The following CNNM2 variants were observed in gnomAD, a reference collection of about 807,000 sequenced individuals.
The protein encoded by CNNM2 is cyclin and CBS domain divalent metal cation transport mediator 2, also known as metal transporter CNNM2.
In CNNM2, 12 loss-of-function variants were observed where a neutral mutation model predicts 66.9. The observed-to-expected ratio is 0.18, with a 90% confidence interval of 0.11 to 0.29. The LOEUF (loss-of-function observed/expected upper bound fraction) is 0.29, where lower values mean the gene tolerates loss of function less well. CNNM2 is among the 10% of genes least tolerant of loss of function. The pLI is 1.00. For missense variants in CNNM2, 705 were observed against 1,167.7 expected (o/e 0.60, Z 5.77); for synonymous variants, 557 against 501.8 (o/e 1.11, Z -1.47).
intron 1 of CNNM2, among the ~76,000 whole-genome samples, chr10:102,952,138 G>T (rs932332255): frequency 2.0e-5 from 3 of 151,304 alleles, no homozygotes; most frequent in African/African-American, 7.3e-5. Context: ...CAGAGTCTTT[G>T]CTATAATGTC....
chr10:102,948,169 CT>C (rs1846689481), intron 1 of CNNM2, among the ~76,000 whole-genome samples: 1 of 152,164 alleles, frequency 6.6e-6, no homozygotes, highest in Non-Finnish European at 1.5e-5. Flanking sequence ...CATTGTATGT[CT>C]TTTGGTGAAC....
intron 1 of CNNM2, among the ~76,000 whole-genome samples, chr10:102,923,899 C>G (rs1845751039): frequency 6.6e-6 from 1 of 152,176 alleles, no homozygotes; most frequent in Admixed American, 6.5e-5. Flanking sequence ...TTATCTGTTT[C>G]TGTTGCAAGG....
chr10:102,982,673 T>C (rs1289180907), intron 1 of CNNM2, among the ~76,000 whole-genome samples: 1 of 152,196 alleles, frequency 6.6e-6, no homozygotes, highest in Non-Finnish European at 1.5e-5. Context: ...CATGAGTGTA[T>C]TAATTTGACT....
At chr10:103,008,653 C>T (rs1399504050) in intron 1 of CNNM2, among the ~76,000 whole-genome samples, 2 of 151,954 alleles carry the variant, frequency 1.3e-5, no homozygotes, top group Non-Finnish European at 2.9e-5. Flanking sequence ...GTGGCACATG[C>T]CTGTAGTCCT....
Position 102,920,160 on chromosome 10 carries a change from C to T in CNNM2, c.1621+59C>T, listed in dbSNP as rs1164322484. The stretch of plus-strand genomic sequence containing the variant: ...CTTTCTCTCTCCATCCTCCTCCCTA[C>T]TTGAGTCCTCTACCCTCAGACCAAC... On this transcript the variant is annotated intron_variant, in intron 1 of 7. Transcript: ENST00000369878. 2.5e-6 allele frequency: 4 copies of T among 1,613,296 alleles called. No individual in the cohort carries two copies. The African/African-American group carries it at 5.3e-5, about 22-fold the overall frequency.
chr10:103,035,943 T>A (rs770690271), intron 1 of CNNM2, among the ~76,000 whole-genome samples: 3 of 152,232 alleles, frequency 2.0e-5, no homozygotes, highest in Non-Finnish European at 4.4e-5. Context: ...TCGAATTCTC[T>A]GGCATAGCGC....
At chr10:102,956,669 A>G (rs890651659) in intron 1 of CNNM2, among the ~76,000 whole-genome samples, 2 of 152,190 alleles carry the variant, frequency 1.3e-5, no homozygotes, top group African/African-American at 4.8e-5. Context: ...TGTCCTTTGC[A>G]GGGACGTGGA....
At chr10:102,955,598 T>C (rs1343565788) in intron 1 of CNNM2, among the ~76,000 whole-genome samples, 1 of 152,082 alleles carries the variant, frequency 6.6e-6, no homozygotes, top group Non-Finnish European at 1.5e-5. Context: ...ACCTACAGAA[T>C]GGGAGAAAAT....
chr10:102,925,725 C>T (rs1227217419), intron 1 of CNNM2, among the ~76,000 whole-genome samples: 5 of 152,156 alleles, frequency 3.3e-5, no homozygotes, highest in African/African-American at 9.7e-5. Context: ...TCGTGATTTT[C>T]CTGTCAATAT....
At chr10:103,034,905 G>T (rs1391404203) in intron 1 of CNNM2, among the ~76,000 whole-genome samples, 2 of 148,888 alleles carry the variant, frequency 1.3e-5, no homozygotes, top group African/African-American at 5.0e-5. Flanking sequence ...AGCGGAGCTT[G>T]CAGTGAGCCG....
At chr10:103,020,246 C>T (rs1248947190) in intron 1 of CNNM2, among the ~76,000 whole-genome samples, 1 of 151,954 alleles carries the variant, frequency 6.6e-6, no homozygotes, top group Non-Finnish European at 1.5e-5. Context: ...ACCTCCGCCT[C>T]CTGGGTTCAA....
intron 1 of CNNM2, among the ~76,000 whole-genome samples, chr10:102,923,998 A>G (rs930558718): frequency 2.0e-5 from 3 of 152,230 alleles, no homozygotes; most frequent in Admixed American, 1.3e-4. Flanking sequence ...CTGGTTGCTA[A>G]TGAGCATCCT....
intron 1 of CNNM2, chr10:102,927,746 C>G (rs933933454): frequency 2.4e-5 from 6 of 246,072 alleles, no homozygotes; most frequent in African/African-American, 1.1e-4. Context: ...AAGTGAGACT[C>G]TGTCTCAAAA....
At chr10:102,930,009 AT>A (rs1227113452) in intron 1 of CNNM2, among the ~76,000 whole-genome samples, 3 of 152,172 alleles carry the variant, frequency 2.0e-5, no homozygotes, top group East Asian at 3.8e-4. Context: ...ATGATTTAGT[AT>A]TTTTTTCCCC....
chr10:103,022,435 G>A (rs957905288), intron 1 of CNNM2, among the ~76,000 whole-genome samples: 1 of 152,090 alleles, frequency 6.6e-6, no homozygotes, highest in Admixed American at 6.5e-5. Flanking sequence ...CCCTGCTATG[G>A]TCTGGATCCA....
In CNNM2 at chr10:102,918,920, C is replaced by T. The variant is rs764846747; in HGVS notation, c.440C>T (p.Pro147Leu). The T allele has an allele frequency of 4.3e-6, 7 of 1,611,800 alleles. No individual in the cohort carries two copies. Among genetic ancestry groups the T allele is most frequent in the Non-Finnish European group, 5.9e-6 (7 of 1,179,280 alleles). Residue 147 changes from proline to leucine, a missense_variant, in exon 1 of 8, where the codon CCC becomes CTC. Pro to Leu is a moderately conservative substitution (Grantham distance 98, BLOSUM62 -3). Coordinates refer to ENST00000369878, the MANE Select transcript of CNNM2 (RefSeq NM_017649.5). This position sits in a 1 kb window ranked among gnomAD's most constrained non-coding sequence, Gnocchi z 4.1. ...GCGCCGCCAGAGCCGGACAGCGGCCCCCAGCGATGCGGCATCCGCACCTCA... is the reference window on the plus strand; with the variant it reads ...GCGCCGCCAGAGCCGGACAGCGGCCTCCAGCGATGCGGCATCCGCACCTCA... The part of the protein sequence containing the change: ...GPAPPEPDSG[P>L]QRCGIRTSDI...
chr10:103,042,990 C>G (rs1293342660), intron 1 of CNNM2, among the ~76,000 whole-genome samples: 1 of 152,060 alleles, frequency 6.6e-6, no homozygotes, highest in East Asian at 1.9e-4. Flanking sequence ...GTTAGTAGAT[C>G]AGAAATTTAA....
At position 103,085,507 on chromosome 10, in the gene CNNM2, T is replaced by C. The variant is rs1313062335; in HGVS notation, c.*8327T>C. 1 of 152,176 alleles carries C rather than the reference T, an allele frequency of 6.6e-6. No individual in the cohort carries two copies. Among genetic ancestry groups the C allele is most frequent in the Admixed American group, 6.5e-5 (1 of 15,282 alleles). The allele number at this position is 152,176 out of a possible 1,614,324, so 9.4% of individuals were successfully genotyped here. A position where few individuals can be genotyped will look rare whatever the true frequency, so the allele number is the denominator to read the frequency against. The stretch of plus-strand genomic sequence containing the variant: ...GTGCTCAGCTGCTTGGGCTCCAGTT[T>C]GTGTGGGAAGGTTTATCTCAGGCCT... On this transcript the variant is annotated 3_prime_UTR_variant, in exon 8 of 8. Transcript: ENST00000369878.
chr10:103,009,698 A>AG (rs1564843504), intron 1 of CNNM2, among the ~76,000 whole-genome samples: 27 of 126,338 alleles, frequency 2.1e-4, no homozygotes, highest in African/African-American at 7.8e-4. Context: ...AAAAAAAAAA[A>AG]GTATATTGGG....
Sources: allele counts gnomAD v4.1 joint callset (sites outside exome capture counted in the v4.1 genomes callset), GRCh38; gene constraint gnomAD v4.1.1; non-coding constraint Gnocchi (gnomAD v3.1); transcripts MANE v1.5; gene names NCBI Gene and HGNC (gene_info 2026-07-23, HGNC 2026-07-21).